The following RIT2 variants were observed in gnomAD, a reference collection of about 807,000 sequenced individuals.
RIT2 encodes Ras like without CAAX 2.
In RIT2, 24 loss-of-function variants were observed where a neutral mutation model predicts 23.7. That is an observed-to-expected ratio of 1.01 (90% CI 0.73 to 1.43). The LOEUF (loss-of-function observed/expected upper bound fraction) is 1.43, where lower values mean the gene tolerates loss of function less well. RIT2 is among the 40% of genes most tolerant of loss of function. The probability of loss-of-function intolerance (pLI) is 0.00; values close to 1 mark genes in which losing one functional copy is unlikely to be tolerated. For synonymous variants in RIT2, 107 were observed against 91.1 expected, an observed-to-expected ratio of 1.17 and a Z score of -0.99; for missense variants, 236 against 266.9, an observed-to-expected ratio of 0.88 and a Z score of 0.81.
intron 2 of RIT2, among the ~76,000 whole-genome samples, chr18:43,028,688 T>A (rs1202441584): frequency 2.0e-5 from 3 of 152,004 alleles, no homozygotes; most frequent in Admixed American, 6.6e-5. Flanking sequence ...TCAGTAAGTA[T>A]CTGTTCAGTG....
intron 2 of RIT2, among the ~76,000 whole-genome samples, chr18:42,983,420 G>C (rs1269299999): frequency 6.6e-6 from 1 of 151,148 alleles, no homozygotes; most frequent in Non-Finnish European, 1.5e-5. Flanking sequence ...AAAAAAAAAT[G>C]AGAAAATCTT....
chr18:42,934,718 A>C (rs1598721117), intron 3 of RIT2, among the ~76,000 whole-genome samples: 1 of 152,206 alleles, frequency 6.6e-6, no homozygotes, highest in East Asian at 1.9e-4. Context: ...CATATGTTTT[A>C]TTATTTTAAA....
rs1911912056 is a variant in RIT2 at position 43,033,813 on chromosome 18, A to G, written c.158T>C (p.Ile53Thr). 6.2e-7 allele frequency: 1 copy of G among 1,605,084 alleles called. No individual in the cohort carries two copies. Among genetic ancestry groups the G allele is most frequent in the Non-Finnish European group, 8.5e-7 (1 of 1,172,470 alleles). Residue 53 changes from isoleucine to threonine, a missense_variant and splice_region_variant, in exon 2 of 5, where the codon ATA becomes ACA. Transcript: ENST00000326695. ...HQFPDYHDPT[I>T]EDAYKTQVRI... The stretch of plus-strand genomic sequence containing the variant: ...GGAGAAAGGAAGCTTCCACTTACCT[A>G]TAGTAGGGTCATGATAATCAGGGAA...
At chr18:42,752,159 G>A (rs530141654) in intron 4 of RIT2, among the ~76,000 whole-genome samples, 11 of 152,186 alleles carry the variant, frequency 7.2e-5, no homozygotes, top group South Asian at 2.1e-4. Context: ...AACAGCATCA[G>A]AGGGAGTAAT....
intron 4 of RIT2, among the ~76,000 whole-genome samples, chr18:42,880,981 A>G (rs1907877856): frequency 6.6e-6 from 1 of 151,730 alleles, no homozygotes; most frequent in Non-Finnish European, 1.5e-5. Flanking sequence ...CTAACTTTGT[A>G]TTTTAGTAGA....
At chr18:42,950,210 T>C (rs1215799792) in intron 3 of RIT2, among the ~76,000 whole-genome samples, 1 of 152,106 alleles carries the variant, frequency 6.6e-6, no homozygotes, top group East Asian at 1.9e-4. Context: ...AACAGTCTAA[T>C]AGACAAATGG....
intron 4 of RIT2, among the ~76,000 whole-genome samples, chr18:42,892,738 T>G (rs955442665): frequency 6.6e-6 from 1 of 152,152 alleles, no homozygotes; most frequent in Non-Finnish European, 1.5e-5. Context: ...GAGATAAAAA[T>G]GTGTAAATAG....
chr18:42,788,399 T>C (rs1399877145), intron 4 of RIT2, among the ~76,000 whole-genome samples: 1 of 152,182 alleles, frequency 6.6e-6, no homozygotes, highest in South Asian at 2.1e-4. Context: ...TCTATTGCAA[T>C]GTGGAAATCC....
intron 4 of RIT2, among the ~76,000 whole-genome samples, chr18:42,858,722 C>T (rs114717147): frequency 2.2e-4 from 34 of 152,232 alleles, no homozygotes; most frequent in African/African-American, 7.5e-4. Flanking sequence ...TTATCTGGTC[C>T]CTGAGGCTGT....
chr18:43,085,031 G>C (rs1335295147), intron 1 of RIT2, among the ~76,000 whole-genome samples: 1 of 151,970 alleles, frequency 6.6e-6, no homozygotes, highest in Non-Finnish European at 1.5e-5. Flanking sequence ...GGGGGAGGTA[G>C]GAAAGAGTAG....
intron 3 of RIT2, among the ~76,000 whole-genome samples, chr18:42,952,648 G>T (rs1461149462): frequency 1.3e-5 from 2 of 152,014 alleles, no homozygotes; most frequent in African/African-American, 4.8e-5. Flanking sequence ...ACAGCCGTTT[G>T]TATGTCAATC....
intron 1 of RIT2, among the ~76,000 whole-genome samples, chr18:43,054,110 C>T (rs1912445900): frequency 6.6e-6 from 1 of 152,052 alleles, no homozygotes; most frequent in South Asian, 2.1e-4. Context: ...TGAAAGTTAG[C>T]TTTGCTTTGT....
intron 3 of RIT2, among the ~76,000 whole-genome samples, chr18:42,973,719 G>C (rs1369882830): frequency 6.6e-6 from 1 of 151,756 alleles, no homozygotes; most frequent in Non-Finnish European, 1.5e-5. Flanking sequence ...GAGCAGATTT[G>C]CTAAGCAGAT....
intron 4 of RIT2, among the ~76,000 whole-genome samples, chr18:42,852,325 G>C (rs1384869276): frequency 6.6e-6 from 1 of 152,132 alleles, no homozygotes; most frequent in Non-Finnish European, 1.5e-5. Context: ...GAAACAAATT[G>C]AAGGTAGTAA....
At chr18:42,994,154 C>T (rs916148692) in intron 2 of RIT2, among the ~76,000 whole-genome samples, 10 of 152,130 alleles carry the variant, frequency 6.6e-5, no homozygotes, top group African/African-American at 1.7e-4. Flanking sequence ...TATTCCTTTG[C>T]ACCCTTCATC....
chr18:43,052,914 C>T (rs1044436741), intron 1 of RIT2, among the ~76,000 whole-genome samples: 2 of 151,996 alleles, frequency 1.3e-5, no homozygotes, highest in African/African-American at 2.4e-5. Context: ...AGGCACATTG[C>T]ATATTTTTTT....
chr18:43,109,585 T>G (rs12955331), intron 1 of RIT2, among the ~76,000 whole-genome samples: 77,165 of 151,962 alleles, frequency 0.51, 20,149 homozygotes, highest in South Asian at 0.59. Context: ...ATACCATCTA[T>G]GCTGTGATTT....
chr18:43,114,025 T>A (rs1914011363), intron 1 of RIT2, among the ~76,000 whole-genome samples: 1 of 152,312 alleles, frequency 6.6e-6, no homozygotes. Flanking sequence ...CCTTCCTCCA[T>A]CCCTTCCTCC....
chr18:43,041,826 A>G (rs1912135055), intron 1 of RIT2, among the ~76,000 whole-genome samples: 1 of 152,136 alleles, frequency 6.6e-6, no homozygotes, highest in African/African-American at 2.4e-5. Flanking sequence ...ATCTGACAAT[A>G]TTATATATCA....
Sources: allele counts gnomAD v4.1 joint callset (sites outside exome capture counted in the v4.1 genomes callset), GRCh38; gene constraint gnomAD v4.1.1; transcripts MANE v1.5; gene names NCBI Gene and HGNC (gene_info 2026-07-23, HGNC 2026-07-21).